The following UBXN7 variants were observed in gnomAD, a reference collection of about 807,000 sequenced individuals.
UBXN7 encodes UBX domain-containing protein 7.
A neutral mutation model predicts 58.0 loss-of-function variants in UBXN7; 9 were observed. The ratio of observed to expected loss-of-function variants is 0.16; its 90% confidence interval spans 0.09 to 0.27. The LOEUF is 0.27. UBXN7 is among the 10% of genes least tolerant of loss of function. The probability of loss-of-function intolerance (pLI) is 1.00; values close to 1 mark genes in which losing one functional copy is unlikely to be tolerated. For missense variants in UBXN7, 328 were observed against 599.6 expected (o/e 0.55, Z 4.73); for synonymous variants, 208 against 205.0 (o/e 1.01, Z -0.12).
In UBXN7 at chr3:196,350,527, A is replaced by C. The variant is rs1728185730; in HGVS notation, c.*6158T>G. ...AAATCATAACTATTTTCAGAGAATG[A>C]ATGTTAAAAATAAATGGTGGAGAAG... On this transcript the variant is annotated 3_prime_UTR_variant, in exon 11 of 11. Transcript: ENST00000296328. The C allele has an allele frequency of 6.6e-6, 1 of 152,264 alleles. No individual in the cohort carries two copies. The highest frequency in any genetic ancestry group is 1.5e-5 in the Non-Finnish European group (1 of 68,046). The allele number at this position is 152,264 out of a possible 1,614,324, so 9.4% of individuals were successfully genotyped here. A position where few individuals can be genotyped will look rare whatever the true frequency, so the allele number is the denominator to read the frequency against.
chr3:196,382,423 C>G (rs950972895), intron 5 of UBXN7, among the ~76,000 whole-genome samples: 2 of 152,188 alleles, frequency 1.3e-5, no homozygotes, highest in Non-Finnish European at 2.9e-5. Context: ...AAATACTTTA[C>G]AGACAAGAAA....
chr3:196,417,327 A>C (rs1034544922), intron 1 of UBXN7, among the ~76,000 whole-genome samples: 4 of 151,334 alleles, frequency 2.6e-5, no homozygotes, highest in Non-Finnish European at 4.4e-5. Context: ...CTAAATAAAT[A>C]AATCAAATAA....
chr3:196,396,629 G>A (rs915390243), intron 3 of UBXN7, among the ~76,000 whole-genome samples: 1 of 151,996 alleles, frequency 6.6e-6, no homozygotes. Context: ...CAGGCGTGGT[G>A]GCGGGTACCT....
chr3:196,368,202 T>C (rs1728722165), intron 7 of UBXN7, 47 bp from the exon 8 acceptor site: 1 of 1,554,780 alleles, frequency 6.4e-7, no homozygotes, highest in Non-Finnish European at 8.7e-7. Context: ...ATATCTAGAA[T>C]CCTTCTGAAC....
Position 196,355,150 on chromosome 3 carries a change from A to C in UBXN7, c.*1535T>G, listed in dbSNP as rs558112064. On this transcript the variant is annotated 3_prime_UTR_variant, in exon 11 of 11. Transcript: ENST00000296328. ...GATGAAAACCTAAAGGTCTCTACGC[A>C]ACATCTGAGGAACATACGCTCCTCA... 2 of 152,332 alleles carry C rather than the reference A, an allele frequency of 1.3e-5. No homozygotes were observed. Among genetic ancestry groups the C allele is most frequent in the Admixed American group, 1.3e-4 (2 of 15,298 alleles). The allele number at this position is 152,332 out of a possible 1,614,324, so 9.4% of individuals were successfully genotyped here. A position where few individuals can be genotyped will look rare whatever the true frequency, so the allele number is the denominator to read the frequency against.
intron 8 of UBXN7, 72 bp downstream of exon 8, chr3:196,367,956 C>T: frequency 5.1e-6 from 8 of 1,555,522 alleles, no homozygotes; most frequent in African/African-American, 1.4e-5. Context: ...ATCTTAACAT[C>T]GAACATTTTA....
At chr3:196,418,408 C>T (rs1730573148) in intron 1 of UBXN7, among the ~76,000 whole-genome samples, 1 of 152,148 alleles carries the variant, frequency 6.6e-6, no homozygotes, top group Admixed American at 6.6e-5. Context: ...ACATTTTTGA[C>T]AGTAAACAGG....
Position 196,369,276 on chromosome 3 carries a change from AATAATT to A in UBXN7, c.706+139_706+144del, listed in dbSNP as rs1367031933. The A allele has an allele frequency of 4.5e-6, 3 of 666,136 alleles. No individual in the cohort carries two copies. In the Admixed American group the frequency reaches 8.9e-5, roughly 20 times the overall value. The allele number at this position is 666,136 out of a possible 1,614,324, so 41.3% of individuals were successfully genotyped here. A position where few individuals can be genotyped will look rare whatever the true frequency, so the allele number is the denominator to read the frequency against. On this transcript the variant is annotated intron_variant, in intron 7 of 10. Transcript: ENST00000296328. ...AAATACATACATCAATAGATGTTTA[AATAATT>A]ATAAAGGGAAAAAAACGAAACCTTC...
chr3:196,431,818 G>T (rs1731063327), intron 1 of UBXN7: 1 of 407,016 alleles, frequency 2.5e-6, no homozygotes, highest in Non-Finnish European at 5.0e-6. Context: ...GCCCGAACCC[G>T]CCAGGGCCAC....
At chr3:196,373,134 C>T (rs1050184066) in intron 5 of UBXN7, among the ~76,000 whole-genome samples, 1 of 152,122 alleles carries the variant, frequency 6.6e-6, no homozygotes. Context: ...CATTTTTAAA[C>T]ATCATATTAA....
At chr3:196,407,531 C>T (rs1156648725) in intron 1 of UBXN7, 138 bp from the exon 2 acceptor site, 9 of 1,264,732 alleles carry the variant, frequency 7.1e-6, no homozygotes, top group Non-Finnish European at 8.4e-6. Context: ...TTGTGAAATA[C>T]ACAGAGCTAG....
chr3:196,375,004 G>GAGGGAGGAAGGGAGGAAGGAAGGA (rs1429653245), intron 5 of UBXN7, among the ~76,000 whole-genome samples: 2 of 37,532 alleles, frequency 5.3e-5, no homozygotes, highest in South Asian at 1.6e-3. Context: ...GGGAGGGAGG[G>GAGGGAGGAAGGGAGGAAGGAAGGA]AGGAAGGAAG....
At chr3:196,407,686 A>G (rs1450201830) in intron 1 of UBXN7, among the ~76,000 whole-genome samples, 3 of 152,214 alleles carry the variant, frequency 2.0e-5, no homozygotes, top group African/African-American at 7.2e-5. Context: ...AAATGGCCAA[A>G]GTATATATTT....
chr3:196,362,147 C>T, intron 9 of UBXN7, 147 bp downstream of exon 9: 1 of 1,160,380 alleles, frequency 8.6e-7, no homozygotes. Context: ...GCACGTGCCA[C>T]CACACCTGGC....
At chr3:196,383,657 G>A (rs1702451420) in intron 5 of UBXN7, among the ~76,000 whole-genome samples, 1 of 152,180 alleles carries the variant, frequency 6.6e-6, no homozygotes, top group Non-Finnish European at 1.5e-5. Flanking sequence ...ATTCAAAACT[G>A]CACAACTACA....
chr3:196,412,411 A>G (rs367845349), intron 1 of UBXN7, among the ~76,000 whole-genome samples: 1 of 152,104 alleles, frequency 6.6e-6, no homozygotes, highest in Non-Finnish European at 1.5e-5. Flanking sequence ...TAAAAAGGCT[A>G]CTATTAAAAA....
intron 5 of UBXN7, among the ~76,000 whole-genome samples, chr3:196,389,113 T>C (rs925475388): frequency 4.6e-5 from 7 of 152,232 alleles, no homozygotes; most frequent in African/African-American, 1.4e-4. Flanking sequence ...CATTACGTCC[T>C]AGAGCAACTC....
At chr3:196,417,855 T>C (rs1285673960) in intron 1 of UBXN7, among the ~76,000 whole-genome samples, 3 of 142,960 alleles carry the variant, frequency 2.1e-5, no homozygotes, top group Admixed American at 7.0e-5. Flanking sequence ...AGTCCAGGAG[T>C]TTTGAGGCTG....
chr3:196,420,807 T>C (rs1730658605), intron 1 of UBXN7, among the ~76,000 whole-genome samples: 1 of 152,192 alleles, frequency 6.6e-6, no homozygotes, highest in Non-Finnish European at 1.5e-5. Flanking sequence ...TGCTATCTCC[T>C]AGTTTATACT....
Sources: allele counts gnomAD v4.1 joint callset (sites outside exome capture counted in the v4.1 genomes callset), GRCh38; gene constraint gnomAD v4.1.1; transcripts MANE v1.5; gene names NCBI Gene and HGNC (gene_info 2026-07-23, HGNC 2026-07-21).